Variants in LYPLAL1 observed in about 807,000 individuals in gnomAD.
The protein encoded by LYPLAL1 is lysophospholipase like 1.
A neutral mutation model predicts 19.7 loss-of-function variants in LYPLAL1; 23 were observed. The ratio of observed to expected loss-of-function variants is 1.17; its 90% CI spans 0.84 to 1.65. The LOEUF (loss-of-function observed/expected upper bound fraction) is 1.65, where lower values mean the gene tolerates loss of function less well. Among genes scored for constraint, LYPLAL1 ranks in the 40% most tolerant of loss-of-function variants. LYPLAL1 has a pLI of 0.00. For synonymous variants in LYPLAL1, 119 were observed against 96.3 expected (o/e 1.24, Z -1.38); for missense variants, 355 against 279.4 (o/e 1.27, Z -1.93).
At chr1:219,395,836 G>T in the LYPLAL1 span, among the ~76,000 whole-genome samples, 1 of 152,090 alleles carries the variant, frequency 6.6e-6, no homozygotes, top group African/African-American at 2.4e-5. Context: ...GGATGCGGTG[G>T]CTCACACCTG....
At chr1:219,407,345 T>C in the LYPLAL1 span, among the ~76,000 whole-genome samples, 2 of 152,206 alleles carry the variant, frequency 1.3e-5, no homozygotes, top group African/African-American at 4.8e-5. Context: ...AAAATGACTA[T>C]TGAGTTAGCA....
the LYPLAL1 span, among the ~76,000 whole-genome samples, chr1:219,322,101 C>A: frequency 1.3e-5 from 2 of 152,088 alleles, no homozygotes; most frequent in South Asian, 4.1e-4. Flanking sequence ...TCCCTAAATT[C>A]TTCACTTCAG....
intron 3 of LYPLAL1, among the ~76,000 whole-genome samples, chr1:219,206,814 A>C (rs1319543690): frequency 1.3e-5 from 2 of 151,564 alleles, no homozygotes; most frequent in African/African-American, 4.8e-5. Context: ...AGTGTTTGTC[A>C]CTTCATATGT....
the LYPLAL1 span, among the ~76,000 whole-genome samples, chr1:219,276,265 A>T: frequency 6.6e-6 from 1 of 152,064 alleles, no homozygotes; most frequent in East Asian, 1.9e-4. Context: ...TTGCTAATTC[A>T]TTGCTTCAGG....
chr1:219,347,195 C>G, the LYPLAL1 span, among the ~76,000 whole-genome samples: 1 of 152,122 alleles, frequency 6.6e-6, no homozygotes, highest in African/African-American at 2.4e-5. Context: ...TTTCCTTTCT[C>G]TTATCCTTAT....
chr1:219,207,288 G>T (rs1658651495), intron 3 of LYPLAL1, among the ~76,000 whole-genome samples: 1 of 152,020 alleles, frequency 6.6e-6, no homozygotes, highest in Non-Finnish European at 1.5e-5. Flanking sequence ...CCACACAGCT[G>T]TGATTCTCAG....
chr1:219,250,204 G>A, the LYPLAL1 span, among the ~76,000 whole-genome samples: 1 of 151,850 alleles, frequency 6.6e-6, no homozygotes, highest in African/African-American at 2.4e-5. Context: ...ATATGGTATA[G>A]AAGGAATCAA....
chr1:219,229,231 G>A, the LYPLAL1 span, among the ~76,000 whole-genome samples: 1 of 151,104 alleles, frequency 6.6e-6, no homozygotes, highest in African/African-American at 2.4e-5. Context: ...ATACGGAAGC[G>A]GGGAAGGGTG....
At chr1:219,436,120 T>G in the LYPLAL1 span, among the ~76,000 whole-genome samples, 110 of 152,144 alleles carry the variant, frequency 7.2e-4, no homozygotes, top group Non-Finnish European at 1.4e-3. Context: ...CCATAGTCAC[T>G]GGTGTGCTTT....
the LYPLAL1 span, among the ~76,000 whole-genome samples, chr1:219,223,729 G>A: frequency 6.6e-6 from 1 of 152,142 alleles, no homozygotes; most frequent in East Asian, 1.9e-4. Context: ...CAGAGCTTCT[G>A]GGATCTTTTA....
intron 3 of LYPLAL1, among the ~76,000 whole-genome samples, chr1:219,195,882 C>T (rs1296574907): frequency 1.3e-5 from 2 of 152,026 alleles, no homozygotes; most frequent in Non-Finnish European, 2.9e-5. Flanking sequence ...GTGTTATTTG[C>T]CTCTCTGTGT....
the LYPLAL1 span, among the ~76,000 whole-genome samples, chr1:219,434,634 G>C: frequency 1.3e-5 from 2 of 152,158 alleles, no homozygotes; most frequent in African/African-American, 4.8e-5. Context: ...TTTTCCTTCA[G>C]CAATGCTGTG....
the LYPLAL1 span, among the ~76,000 whole-genome samples, chr1:219,288,921 T>G: frequency 2.6e-5 from 4 of 152,178 alleles, no homozygotes; most frequent in African/African-American, 7.2e-5. Flanking sequence ...ATTGCATTTG[T>G]CATAAAATGT....
At chr1:219,426,095 A>G in the LYPLAL1 span, among the ~76,000 whole-genome samples, 188 of 152,326 alleles carry the variant, frequency 1.2e-3, 1 homozygote, top group Non-Finnish European at 4.7e-4. Flanking sequence ...AACATAACTG[A>G]CAACTGAGTC....
the LYPLAL1 span, among the ~76,000 whole-genome samples, chr1:219,393,490 G>T: frequency 1.3e-5 from 2 of 152,124 alleles, no homozygotes; most frequent in Non-Finnish European, 2.9e-5. Flanking sequence ...GAAGACACTG[G>T]GGAGGATACC....
the LYPLAL1 span, chr1:219,222,586 C>T: frequency 2.6e-5 from 4 of 152,126 alleles, no homozygotes; most frequent in African/African-American, 7.2e-5. Context: ...TCCTTAGTAA[C>T]CATCATGCAC....
the LYPLAL1 span, among the ~76,000 whole-genome samples, chr1:219,427,471 C>T: frequency 6.6e-6 from 1 of 152,174 alleles, no homozygotes; most frequent in African/African-American, 2.4e-5. Flanking sequence ...TTGAACATTG[C>T]TTTCTTAAAT....
the LYPLAL1 span, among the ~76,000 whole-genome samples, chr1:219,274,230 A>G: frequency 6.6e-6 from 1 of 152,224 alleles, no homozygotes; most frequent in Non-Finnish European, 1.5e-5. Flanking sequence ...GCATGCCCAA[A>G]TGTAGAACAG....
the LYPLAL1 span, among the ~76,000 whole-genome samples, chr1:219,247,293 ATTTTG>A: frequency 6.6e-6 from 1 of 152,184 alleles, no homozygotes; most frequent in Non-Finnish European, 1.5e-5. Flanking sequence ...AAGTAAAGAA[ATTTTG>A]TTTTGTTTGT....
Sources: allele counts gnomAD v4.1 joint callset (sites outside exome capture counted in the v4.1 genomes callset), GRCh38; gene constraint gnomAD v4.1.1; transcripts MANE v1.5; gene names NCBI Gene and HGNC (gene_info 2026-07-23, HGNC 2026-07-21).